Variants in TRMT9B observed in about 807,000 individuals in gnomAD.
TRMT9B encodes probable tRNA methyltransferase 9B.
TRMT9B carries 16 observed loss-of-function variants against 11.5 expected under a neutral mutation model. That is an observed-to-expected ratio of 1.39 (90% confidence interval 0.94 to 2.11). TRMT9B has a LOEUF of 2.11. TRMT9B is among the 30% of genes most tolerant of loss of function. TRMT9B has a pLI of 0.00. For missense variants in TRMT9B, 941 were observed against 553.8 expected (o/e 1.70, Z -7.02); for synonymous variants, 274 against 192.4 (o/e 1.42, Z -3.51).
intron 1 of TRMT9B, among the ~76,000 whole-genome samples, chr8:12,970,441 G>A (rs187995785): frequency 7.9e-4 from 120 of 152,276 alleles, no homozygotes; most frequent in African/African-American, 2.4e-3. Context: ...TCTTATTGCT[G>A]CATGATTCCA....
intron 4 of TRMT9B, among the ~76,000 whole-genome samples, chr8:13,016,024 T>A (rs761626274): frequency 2.0e-5 from 3 of 150,864 alleles, no homozygotes; most frequent in Non-Finnish European, 4.4e-5. Flanking sequence ...GGTGAGAGGA[T>A]CCTTTGAGTT....
At chr8:12,967,064 T>A (rs1802923315) in intron 1 of TRMT9B, among the ~76,000 whole-genome samples, 1 of 152,170 alleles carries the variant, frequency 6.6e-6, no homozygotes, top group Non-Finnish European at 1.5e-5. Flanking sequence ...TCCTAGGTAT[T>A]TTTTTAACAG....
chr8:13,003,803 G>C (rs545606331), intron 2 of TRMT9B, among the ~76,000 whole-genome samples: 1 of 150,592 alleles, frequency 6.6e-6, no homozygotes, highest in Non-Finnish European at 1.5e-5. Flanking sequence ...AAGGACCAGA[G>C]TTAACACACA....
At chr8:12,980,158 G>C (rs770025407) in intron 1 of TRMT9B, among the ~76,000 whole-genome samples, 3 of 152,150 alleles carry the variant, frequency 2.0e-5, no homozygotes, top group Admixed American at 6.5e-5. Context: ...CAGGAGGCCA[G>C]ACGTCCTAAA....
rs1352233525 is a variant in TRMT9B, at chr8:13,029,138, T to C, written c.*7094T>C. The C allele has an allele frequency of 1.2e-5, 2 of 167,052 alleles. No homozygotes were observed. The highest frequency in any genetic ancestry group is 1.3e-4 in the Admixed American group (2 of 15,290). 10.3% of individuals were successfully genotyped at this position (167,052 alleles called of 1,614,324 possible). ...GTTCTTTTGTGCACGCGTGAATACA[T>C]CAAATTAGCAATTACCATAGAAATG... is the stretch of plus-strand genomic sequence containing the variant. On this transcript the variant is annotated 3_prime_UTR_variant, in exon 5 of 5. Coordinates refer to ENST00000524591, the MANE Select transcript of TRMT9B (RefSeq NM_020844.3).
chr8:13,001,025 C>T (rs1029296535), intron 2 of TRMT9B, among the ~76,000 whole-genome samples: 1 of 152,198 alleles, frequency 6.6e-6, no homozygotes, highest in Non-Finnish European at 1.5e-5. Context: ...ATATCATCTA[C>T]TAGACTTCCC....
intron 1 of TRMT9B, among the ~76,000 whole-genome samples, chr8:12,973,772 A>G (rs555087468): frequency 6.6e-6 from 1 of 152,188 alleles, no homozygotes; most frequent in African/African-American, 2.4e-5. Context: ...GAAAGATTCC[A>G]TGAGATCCAC....
At chr8:13,009,662 A>T (rs1811217338) in intron 3 of TRMT9B, among the ~76,000 whole-genome samples, 1 of 152,196 alleles carries the variant, frequency 6.6e-6, no homozygotes, top group African/African-American at 2.4e-5. Flanking sequence ...CTATAAAAAC[A>T]ATTATAATTA....
chr8:12,962,362 T>C (rs1802237397), intron 1 of TRMT9B, among the ~76,000 whole-genome samples: 1 of 152,248 alleles, frequency 6.6e-6, no homozygotes, highest in Non-Finnish European at 1.5e-5. Context: ...TAATTTATGA[T>C]CTCTTGTCTG....
At chr8:12,999,923 T>C (rs897265229) in intron 2 of TRMT9B, among the ~76,000 whole-genome samples, 1 of 152,222 alleles carries the variant, frequency 6.6e-6, no homozygotes, top group Non-Finnish European at 1.5e-5. Context: ...AGAAAACTTT[T>C]AATCTTTATG....
chr8:13,016,742 G>T (rs1016961707), intron 4 of TRMT9B, among the ~76,000 whole-genome samples: 1 of 151,254 alleles, frequency 6.6e-6, no homozygotes, highest in Non-Finnish European at 1.5e-5. Flanking sequence ...TCAACTGGGG[G>T]TTACGTTGCT....
intron 2 of TRMT9B, among the ~76,000 whole-genome samples, chr8:12,992,918 T>C (rs1028112527): frequency 2.6e-5 from 4 of 152,132 alleles, no homozygotes; most frequent in African/African-American, 9.7e-5. Flanking sequence ...TTTTTATCTG[T>C]AGTTACCCAT....
chr8:13,022,351 G>C lies in TRMT9B; in HGVS notation c.*307G>C. On this transcript the variant is annotated 3_prime_UTR_variant, in exon 5 of 5. Coordinates refer to ENST00000524591, the MANE Select transcript of TRMT9B (RefSeq NM_020844.3). ...CCCAGAGAGATAAAATACATGTATAGTGTTTTTCAGTATTACACATTGATT... is the reference window on the plus strand; with the variant it reads ...CCCAGAGAGATAAAATACATGTATACTGTTTTTCAGTATTACACATTGATT... 1 of 243,984 alleles carries C rather than the reference G, an allele frequency of 4.1e-6. No individual in the cohort carries two copies. Among genetic ancestry groups the C allele is most frequent in the Non-Finnish European group, 8.4e-6 (1 of 119,742 alleles). The allele number at this position is 243,984 out of a possible 1,614,324, so 15.1% of individuals were successfully genotyped here.
intron 1 of TRMT9B, among the ~76,000 whole-genome samples, chr8:12,953,129 T>C (rs1800851062): frequency 2.0e-5 from 3 of 152,244 alleles, no homozygotes; most frequent in Admixed American, 1.3e-4. Context: ...AAACGTCTAC[T>C]TGCAGAGCTT....
intron 1 of TRMT9B, among the ~76,000 whole-genome samples, chr8:12,979,275 G>C (rs1804971991): frequency 1.3e-5 from 2 of 152,138 alleles, no homozygotes; most frequent in South Asian, 4.1e-4. Context: ...TAAAGTATGT[G>C]GGGAGGCTGT....
chr8:13,006,672 A>G (rs1271285199), intron 3 of TRMT9B: 3 of 1,344,804 alleles, frequency 2.2e-6, no homozygotes, highest in South Asian at 2.3e-5. Flanking sequence ...CTTTTATTTT[A>G]TTTTTATTCT....
intron 1 of TRMT9B, chr8:12,958,546 A>C (rs1801614877): frequency 6.1e-6 from 1 of 164,418 alleles, no homozygotes; most frequent in Non-Finnish European, 1.3e-5. Context: ...CCAAGATCTT[A>C]AATTTCATCT....
chr8:13,020,942 C>G, intron 4 of TRMT9B, 66 bp from the exon 5 acceptor site: 2 of 1,061,846 alleles, frequency 1.9e-6, no homozygotes, highest in Non-Finnish European at 2.7e-6. Flanking sequence ...ATGGTAAACA[C>G]CAGTGTATAC....
chr8:12,974,843 C>T (rs1459061909), intron 1 of TRMT9B, among the ~76,000 whole-genome samples: 3 of 152,066 alleles, frequency 2.0e-5, no homozygotes, highest in Non-Finnish European at 4.4e-5. Flanking sequence ...CAGCTCTTCA[C>T]GCCTGAGGTT....
Sources: gnomAD v4.1 joint callset for allele counts (sites outside exome capture counted in the v4.1 genomes callset) on GRCh38, gnomAD v4.1.1 for gene constraint, MANE v1.5 for transcripts, NCBI Gene and HGNC (gene_info 2026-07-23, HGNC 2026-07-21) for gene names.